The following SGK1 variants were observed in gnomAD, a reference collection of about 807,000 sequenced individuals.
The protein encoded by SGK1 is serum/glucocorticoid regulated kinase 1.
Under a neutral mutation model 64.2 loss-of-function variants are expected in SGK1, and 26 were observed. The ratio of observed to expected loss-of-function variants is 0.40; its 90% CI spans 0.30 to 0.56. The LOEUF is 0.56. SGK1 is among the 20% of genes least tolerant of loss of function. SGK1 has a pLI of 0.38. For missense variants in SGK1, 519 were observed against 645.6 expected, an observed-to-expected ratio of 0.80 and a Z score of 2.12; for synonymous variants, 265 against 239.7, an observed-to-expected ratio of 1.11 and a Z score of -0.98.
intron 3 of SGK1, among the ~76,000 whole-genome samples, chr6:134,188,438 C>G (rs1271865463): frequency 6.6e-6 from 1 of 152,180 alleles, no homozygotes; most frequent in African/African-American, 2.4e-5. Flanking sequence ...GTGCGGGTAT[C>G]TTTTCAGCAC....
chr6:134,244,749 T>C (rs547215221), intron 2 of SGK1, among the ~76,000 whole-genome samples: 6 of 152,344 alleles, frequency 3.9e-5, no homozygotes, highest in African/African-American at 1.4e-4. Context: ...AGACCAGAGC[T>C]GTTCCTATTC....
intron 2 of SGK1, among the ~76,000 whole-genome samples, chr6:134,246,033 G>T (rs1173903969): frequency 6.6e-6 from 1 of 152,154 alleles, no homozygotes; most frequent in African/African-American, 2.4e-5. Context: ...AATAAGTTTG[G>T]TGATGGTGTC....
intron 1 of SGK1, among the ~76,000 whole-genome samples, chr6:134,288,206 A>G (rs1468632772): frequency 1.3e-5 from 2 of 152,208 alleles, no homozygotes; most frequent in Admixed American, 6.5e-5. Flanking sequence ...ATATTGCCCT[A>G]TGGGAAGGGC....
chr6:134,242,396 G>A (rs565646308), intron 2 of SGK1, among the ~76,000 whole-genome samples: 1 of 152,154 alleles, frequency 6.6e-6, no homozygotes, highest in East Asian at 1.9e-4. Context: ...TCAGGAAGGA[G>A]AATCGCTTGA....
intron 2 of SGK1, chr6:134,261,685 C>T (rs570587172): frequency 1.3e-5 from 8 of 599,268 alleles, no homozygotes; most frequent in East Asian, 8.2e-5. Flanking sequence ...TGGGGACAAG[C>T]GTATATGGGT....
intron 3 of SGK1, among the ~76,000 whole-genome samples, chr6:134,201,562 A>G (rs1775685218): frequency 6.6e-6 from 1 of 150,812 alleles, no homozygotes; most frequent in Non-Finnish European, 1.5e-5. Context: ...GGGTTTCACC[A>G]TGTTGGCCAG....
At chr6:134,297,792 C>T (rs1196439317) in intron 1 of SGK1, 11 of 580,820 alleles carry the variant, frequency 1.9e-5, no homozygotes, top group South Asian at 6.9e-5. Flanking sequence ...TGAGCCACTG[C>T]GCCCGGCCTA....
chr6:134,262,328 TAG>T (rs1400847453), intron 1 of SGK1, among the ~76,000 whole-genome samples, 180 bp from the exon 2 acceptor site: 1 of 152,212 alleles, frequency 6.6e-6, no homozygotes, highest in East Asian at 1.9e-4. Context: ...GTCTCTTTCC[TAG>T]AGTATGCATT....
At chr6:134,171,823 C>G in intron 10 of SGK1, 91 bp from the exon 11 acceptor site, 1 of 814,826 alleles carries the variant, frequency 1.2e-6, no homozygotes, top group Non-Finnish European at 2.0e-6. Context: ...CTGAGAGACC[C>G]AGAGCCAGCT....
intron 2 of SGK1, among the ~76,000 whole-genome samples, chr6:134,221,032 A>C (rs1424908463): frequency 6.6e-6 from 1 of 151,662 alleles, no homozygotes; most frequent in Admixed American, 6.6e-5. Context: ...GGCCAGGCGC[A>C]GTGGCTCATG....
chr6:134,273,510 G>A lies in SGK1; in HGVS notation c.70-11362C>T, dbSNP rs1007701638. On this transcript the variant is annotated intron_variant, in intron 1 of 13. Coordinates refer to ENST00000367858, the MANE Select transcript of SGK1 (RefSeq NM_001143676.3). ...TGGGAGGCTGAGGCAGGAGAATGGC[G>A]TGAACCCGGGAGGCGGAGCTTGCAG... is the stretch of plus-strand genomic sequence containing the variant. 4.9e-5 allele frequency among the ~76,000 whole-genome samples: 7 copies of A among 142,138 alleles called. No homozygotes were observed. In the East Asian group the frequency reaches 1.4e-3, roughly 28 times the overall value. The allele number at this position is 142,138 out of a possible 152,430, so 93.2% of individuals were successfully genotyped here. A position where few individuals can be genotyped will look rare whatever the true frequency, so the allele number is the denominator to read the frequency against.
At chr6:134,312,974 C>T (rs1164078966) in intron 1 of SGK1, among the ~76,000 whole-genome samples, 1 of 152,010 alleles carries the variant, frequency 6.6e-6, no homozygotes, top group Non-Finnish European at 1.5e-5. Flanking sequence ...GGTTTCACCA[C>T]GTTGGCCAGG....
intron 3 of SGK1, chr6:134,177,939 TC>T: frequency 9.7e-7 from 1 of 1,034,924 alleles, no homozygotes; most frequent in Non-Finnish European, 1.4e-6. Context: ...CCATTTATTC[TC>T]CCCATTGCGA....
chr6:134,208,823 T>C (rs1775836349), intron 2 of SGK1, among the ~76,000 whole-genome samples: 1 of 149,766 alleles, frequency 6.7e-6, no homozygotes, highest in Non-Finnish European at 1.5e-5. Flanking sequence ...TACACGCATG[T>C]ATATATATGT....
At chr6:134,193,516 GT>G (rs991968804) in intron 3 of SGK1, among the ~76,000 whole-genome samples, 1 of 151,204 alleles carries the variant, frequency 6.6e-6, no homozygotes, top group African/African-American at 2.4e-5. Flanking sequence ...TTCTCCCTTT[GT>G]TTTTTTTCTA....
chr6:134,192,766 G>A (rs62423847), intron 3 of SGK1, among the ~76,000 whole-genome samples: 3 of 151,924 alleles, frequency 2.0e-5, no homozygotes, highest in Non-Finnish European at 2.9e-5. Context: ...TCACCATGTT[G>A]GCCAGGCTGG....
intron 3 of SGK1, chr6:134,177,884 A>C: frequency 6.5e-7 from 1 of 1,534,344 alleles, no homozygotes; most frequent in South Asian, 1.2e-5. Context: ...ATATCAAGGC[A>C]ATTTAAGTAC....
chr6:134,221,633 C>T (rs1056804691), intron 2 of SGK1, among the ~76,000 whole-genome samples: 6 of 151,816 alleles, frequency 4.0e-5, no homozygotes, highest in African/African-American at 7.3e-5. Flanking sequence ...GAGTCCTAAA[C>T]GGGTGCTTGG....
intron 3 of SGK1, among the ~76,000 whole-genome samples, chr6:134,190,776 C>T (rs1228429860): frequency 6.6e-6 from 1 of 152,136 alleles, no homozygotes; most frequent in African/African-American, 2.4e-5. Context: ...ATTAATATTA[C>T]ATACATTACA....
Sources: gnomAD v4.1 joint callset for allele counts (sites outside exome capture counted in the v4.1 genomes callset) on GRCh38, gnomAD v4.1.1 for gene constraint, MANE v1.5 for transcripts, NCBI Gene and HGNC (gene_info 2026-07-23, HGNC 2026-07-21) for gene names.